Variants in OLFM3 observed in about 807,000 individuals in gnomAD.
OLFM3 encodes the protein olfactomedin 3.
A neutral mutation model predicts 48.6 loss-of-function variants in OLFM3; 20 were observed. The ratio of observed to expected loss-of-function variants is 0.41; its 90% confidence interval spans 0.29 to 0.60. The LOEUF is 0.60. OLFM3 is among the 20% of genes least tolerant of loss of function. The pLI, the probability that OLFM3 is intolerant of heterozygous loss-of-function variation, is 0.28. For synonymous variants in OLFM3, 222 were observed against 198.1 expected, an observed-to-expected ratio of 1.12 and a Z score of -1.01; for missense variants, 437 against 544.3, an observed-to-expected ratio of 0.80 and a Z score of 1.96.
intron 1 of OLFM3, among the ~76,000 whole-genome samples, chr1:101,862,689 G>T (rs1656703336): frequency 6.6e-6 from 1 of 152,152 alleles, no homozygotes; most frequent in African/African-American, 2.4e-5. Context: ...CACCTCACCA[G>T]AAATGTGATT....
At position 101,836,922 on chromosome 1, in the gene OLFM3, G is replaced by A. The variant is rs773080795; in HGVS notation, c.173C>T (p.Ser58Phe). The A allele has an allele frequency of 8.7e-6, 14 of 1,613,962 alleles. No individual in the cohort carries two copies. The highest frequency in any genetic ancestry group is 1.6e-4 in the Middle Eastern group (1 of 6,082). The change falls in exon 2 of 6, where the codon TCC becomes TTC. Residue 58 changes from serine (S) to phenylalanine (F), a missense_variant. Transcript: ENST00000370103. ...TVVAPEQNLC[S>F]RDAKSRQLRQ... ...AAGTTGCCTGCTTTTGGCATCCCGG[G>A]AACACAGGTTTTGTTCTGGAGCAAC...
intron 1 of OLFM3, among the ~76,000 whole-genome samples, chr1:101,944,209 G>A (rs909736177): frequency 1.5e-4 from 23 of 151,900 alleles, no homozygotes; most frequent in African/African-American, 5.1e-4. Flanking sequence ...TATTGCCAAT[G>A]CCTAGGAAAG....
chr1:101,842,783 C>G (rs536162043), intron 1 of OLFM3, among the ~76,000 whole-genome samples: 2 of 152,304 alleles, frequency 1.3e-5, no homozygotes, highest in African/African-American at 4.8e-5. Context: ...CCGAACTCCT[C>G]TCTCTGCAGT....
intron 3 of OLFM3, among the ~76,000 whole-genome samples, chr1:101,825,937 T>C (rs1654841828): frequency 1.3e-5 from 2 of 152,184 alleles, no homozygotes; most frequent in Admixed American, 1.3e-4. Context: ...ATGTTACTGT[T>C]TACTATTTTG....
chr1:101,802,959 C>T lies in OLFM3; in HGVS notation c.*1279G>A, dbSNP rs1388935690. 2.0e-5 allele frequency: 3 copies of T among 151,586 alleles called. No homozygotes were observed. The highest frequency in any genetic ancestry group is 4.4e-5 in the Non-Finnish European group (3 of 67,668). 9.4% of individuals were successfully genotyped at this position (151,586 alleles called of 1,614,324 possible). A position where few individuals can be genotyped will look rare whatever the true frequency, so the allele number is the denominator to read the frequency against. On this transcript the variant is annotated 3_prime_UTR_variant, in exon 6 of 6. Coordinates refer to ENST00000370103, the MANE Select transcript of OLFM3 (RefSeq NM_058170.4). ...TATTAACATAAGTATTATTAAAGCT[C>T]TTCCCTTTTGGTTACATTATTTTTC...
chr1:101,986,992 TTTTTC>T, intron 1 of OLFM3, among the ~76,000 whole-genome samples: 1 of 152,302 alleles, frequency 6.6e-6, no homozygotes, highest in Middle Eastern at 3.4e-3. Flanking sequence ...TTCCTCACTG[TTTTTC>T]TTTTAACTGT....
intron 1 of OLFM3, among the ~76,000 whole-genome samples, chr1:101,885,054 A>G (rs1238704457): frequency 6.6e-6 from 1 of 151,978 alleles, no homozygotes; most frequent in African/African-American, 2.4e-5. Flanking sequence ...TTATAGAAAA[A>G]TCCATGAAAG....
intron 1 of OLFM3, among the ~76,000 whole-genome samples, chr1:101,891,674 C>T (rs961652556): frequency 1.3e-5 from 2 of 151,750 alleles, no homozygotes; most frequent in African/African-American, 4.8e-5. Flanking sequence ...AATGTCAATT[C>T]ATTTTTTGTA....
At chr1:101,948,754 C>T (rs752016139) in intron 1 of OLFM3, among the ~76,000 whole-genome samples, 2 of 151,284 alleles carry the variant, frequency 1.3e-5, no homozygotes, top group Admixed American at 6.6e-5. Context: ...TTCTCCTCTG[C>T]GTAAATACTG....
At chr1:101,967,690 C>A (rs942624886) in intron 1 of OLFM3, among the ~76,000 whole-genome samples, 3 of 149,444 alleles carry the variant, frequency 2.0e-5, no homozygotes, top group African/African-American at 7.4e-5. Context: ...AACTTATCAG[C>A]GGAAAAAGAA....
At chr1:101,859,330 G>A (rs1656555637) in intron 1 of OLFM3, among the ~76,000 whole-genome samples, 1 of 152,086 alleles carries the variant, frequency 6.6e-6, no homozygotes, top group South Asian at 2.1e-4. Context: ...TGGGCGAGGA[G>A]TGAGAATGCC....
intron 1 of OLFM3, among the ~76,000 whole-genome samples, chr1:101,862,643 C>T (rs191974483): frequency 1.2e-3 from 176 of 152,298 alleles, no homozygotes; most frequent in African/African-American, 3.9e-3. Context: ...GCAGCACAAT[C>T]ACCTGTTGCC....
chr1:101,960,839 C>T (rs1660446384), intron 1 of OLFM3, among the ~76,000 whole-genome samples: 1 of 152,110 alleles, frequency 6.6e-6, no homozygotes, highest in Admixed American at 6.6e-5. Flanking sequence ...CCATCGTTAA[C>T]CACTCTGCTT....
chr1:101,970,509 C>T (rs1221518031), intron 1 of OLFM3, among the ~76,000 whole-genome samples: 2 of 152,116 alleles, frequency 1.3e-5, no homozygotes, highest in African/African-American at 4.8e-5. Context: ...CTAATCTTTT[C>T]CCCCTTCTTT....
At chr1:101,862,784 C>T (rs1179877366) in intron 1 of OLFM3, among the ~76,000 whole-genome samples, 7 of 152,158 alleles carry the variant, frequency 4.6e-5, no homozygotes, top group Admixed American at 4.6e-4. Flanking sequence ...CAGAAACACT[C>T]ATATAACCAA....
chr1:101,971,220 A>G (rs549107161), intron 1 of OLFM3, among the ~76,000 whole-genome samples: 10 of 152,352 alleles, frequency 6.6e-5, no homozygotes, highest in South Asian at 4.1e-4. Flanking sequence ...AAGCCAGAGC[A>G]GTAATGAAAG....
intron 1 of OLFM3, among the ~76,000 whole-genome samples, chr1:101,850,091 A>G (rs1656163606): frequency 6.6e-6 from 1 of 152,188 alleles, no homozygotes; most frequent in Non-Finnish European, 1.5e-5. Flanking sequence ...CATTTATTCA[A>G]TTCATGGTAA....
intron 1 of OLFM3, among the ~76,000 whole-genome samples, chr1:101,971,575 C>T (rs1290529289): frequency 6.6e-6 from 1 of 152,042 alleles, no homozygotes; most frequent in Admixed American, 6.6e-5. Flanking sequence ...GAATAAAGTT[C>T]AGAAAACATG....
chr1:101,899,208 T>A (rs911075176), intron 1 of OLFM3, among the ~76,000 whole-genome samples: 10 of 152,120 alleles, frequency 6.6e-5, no homozygotes, highest in African/African-American at 1.9e-4. Context: ...ATCACATGGT[T>A]ATTGCTAGAA....
Sources: allele counts gnomAD v4.1 joint callset (sites outside exome capture counted in the v4.1 genomes callset), GRCh38; gene constraint gnomAD v4.1.1; transcripts MANE v1.5; gene names NCBI Gene and HGNC (gene_info 2026-07-23, HGNC 2026-07-21).